Variants in AGTPBP1 observed in about 807,000 individuals in gnomAD.
The protein encoded by AGTPBP1 is ATP/GTP binding carboxypeptidase 1.
AGTPBP1 carries 70 observed loss-of-function variants against 143.9 expected under a neutral mutation model. The ratio of observed to expected loss-of-function variants is 0.49; its 90% CI spans 0.40 to 0.59. AGTPBP1 has a LOEUF of 0.59. AGTPBP1 is among the 20% of genes least tolerant of loss of function. AGTPBP1 has a pLI of 0.00. For synonymous variants in AGTPBP1, 463 were observed against 500.2 expected, an observed-to-expected ratio of 0.93 and a Z score of 0.99; for missense variants, 1,229 against 1,464.5, an observed-to-expected ratio of 0.84 and a Z score of 2.62.
intron 8 of AGTPBP1, among the ~76,000 whole-genome samples, chr9:85,661,619 A>C (rs754625435): frequency 1.8e-4 from 27 of 152,036 alleles, no homozygotes; most frequent in Admixed American, 1.3e-4. Flanking sequence ...CACCCCCAAA[A>C]CTGAAAGTAT....
chr9:85,596,513 T>TA (rs1829310085), intron 17 of AGTPBP1, 64 bp from the exon 18 acceptor site: 1 of 1,150,170 alleles, frequency 8.7e-7, no homozygotes, highest in African/African-American at 1.6e-5. Flanking sequence ...AAATTAATCT[T>TA]GCCTTTGTAG....
At chr9:85,746,939 C>T (rs558943810), upstream of AGTPBP1, among the ~76,000 whole-genome samples, 21 of 152,218 alleles carry the variant, frequency 1.4e-4, no homozygotes, top group African/African-American at 5.1e-4. Flanking sequence ...CTGCAGCCTC[C>T]AATTCCTGGG....
In AGTPBP1 at chr9:85,547,237, C is replaced by T. The variant is rs749664353; in HGVS notation, c.3553G>A (p.Val1185Ile). 6.2e-7 allele frequency: 1 copy of T among 1,613,148 alleles called. No individual in the cohort carries two copies. Among genetic ancestry groups the T allele is most frequent in the South Asian group, 1.1e-5 (1 of 90,908 alleles). ...TCATTACTTTCTGCACTGTAATCAA[C>T]TTCTTCAAGGAATCGAGGTTCATCT... ...DEDEPRFLEEVDYSAESNDEL... is the reference protein window; with the variant it reads ...DEDEPRFLEEIDYSAESNDEL... The change falls in exon 26 of 26, where the codon GTT becomes ATT. Residue 1185 changes from valine to isoleucine, a missense_variant. Val to Ile is a conservative substitution (Grantham distance 29). Around this residue, in one of 2 missense-constraint regions of AGTPBP1, gnomAD observed 486 missense variants for 652.3 expected, o/e 0.75. Transcript: ENST00000357081.
chr9:85,591,108 C>G (rs984887205), intron 19 of AGTPBP1, among the ~76,000 whole-genome samples: 1 of 149,732 alleles, frequency 6.7e-6, no homozygotes, highest in African/African-American at 2.5e-5. Context: ...TGAGGATACA[C>G]TTTAAAGAGT....
intron 25 of AGTPBP1, among the ~76,000 whole-genome samples, chr9:85,572,023 T>TG (rs1564019763): frequency 1.3e-5 from 1 of 75,396 alleles, no homozygotes; most frequent in Non-Finnish European, 2.2e-5. Flanking sequence ...TTTTTTTTTT[T>TG]TTTTTTTTTT....
At chr9:85,654,175 T>C (rs1833346619) in intron 11 of AGTPBP1, among the ~76,000 whole-genome samples, 2 of 151,994 alleles carry the variant, frequency 1.3e-5, no homozygotes, top group Admixed American at 1.3e-4. Flanking sequence ...TCTTCGTTTT[T>C]TTTCTCAAAA....
intron 25 of AGTPBP1, among the ~76,000 whole-genome samples, chr9:85,561,083 C>T (rs1002603862): frequency 2.0e-5 from 3 of 151,968 alleles, no homozygotes; most frequent in African/African-American, 7.3e-5. Context: ...TAAAAGAGAC[C>T]ATTTTCGGCC....
intron 16 of AGTPBP1, 41 bp from the exon 17 acceptor site, chr9:85,619,172 A>G (rs748130566): frequency 6.2e-7 from 1 of 1,610,192 alleles, no homozygotes; most frequent in South Asian, 1.1e-5. Context: ...AAATTAGGAA[A>G]TATCTGTGCA....
At chr9:85,759,827 CAAG>C in the AGTPBP1 span, among the ~76,000 whole-genome samples, 2 of 151,900 alleles carry the variant, frequency 1.3e-5, no homozygotes, top group Non-Finnish European at 2.9e-5. Flanking sequence ...ATCAGTGAAT[CAAG>C]GAGCTGGTTT....
chr9:85,615,878 T>C (rs1164865933), intron 17 of AGTPBP1, among the ~76,000 whole-genome samples: 1 of 151,940 alleles, frequency 6.6e-6, no homozygotes, highest in African/African-American at 2.4e-5. Flanking sequence ...AAATAGAAAG[T>C]AATCAGAAAC....
intron 25 of AGTPBP1, among the ~76,000 whole-genome samples, chr9:85,558,108 T>C (rs1032027874): frequency 6.6e-6 from 1 of 152,236 alleles, no homozygotes; most frequent in African/African-American, 2.4e-5. Flanking sequence ...ATTAGTTGCA[T>C]CAGGAACAAT....
chr9:85,777,684 C>T, the AGTPBP1 span, among the ~76,000 whole-genome samples: 1 of 152,352 alleles, frequency 6.6e-6, no homozygotes. Context: ...TTTGACTACT[C>T]AGAGAGGTCC....
At chr9:85,665,705 A>G (rs1170927908) in intron 8 of AGTPBP1, among the ~76,000 whole-genome samples, 2 of 152,106 alleles carry the variant, frequency 1.3e-5, no homozygotes, top group East Asian at 3.9e-4. Context: ...CTAAAATAGA[A>G]CATTTTTTTC....
At chr9:85,649,728 A>G (rs931522163) in intron 11 of AGTPBP1, among the ~76,000 whole-genome samples, 1 of 152,078 alleles carries the variant, frequency 6.6e-6, no homozygotes, top group Non-Finnish European at 1.5e-5. Context: ...GTTCCTTAAA[A>G]ATTTTTCTAC....
chr9:85,568,956 T>C (rs1827281142), intron 25 of AGTPBP1, among the ~76,000 whole-genome samples: 1 of 152,158 alleles, frequency 6.6e-6, no homozygotes, highest in South Asian at 2.1e-4. Context: ...GATCCACAGG[T>C]CTGGGAGATT....
chr9:85,621,327 T>G (rs748432598), intron 14 of AGTPBP1, 42 bp from the exon 15 acceptor site: 48 of 968,526 alleles, frequency 5.0e-5, no homozygotes, highest in Non-Finnish European at 6.4e-5. Flanking sequence ...TATTATACAC[T>G]AATGTACAAC....
Position 85,592,621 on chromosome 9 carries a change from G to A in AGTPBP1, c.2507C>T (p.Pro836Leu). The A allele has an allele frequency of 6.2e-7, 1 of 1,612,196 alleles. No homozygotes were observed. Among genetic ancestry groups the A allele is most frequent in the Non-Finnish European group, 8.5e-7 (1 of 1,179,214 alleles). ...AAAGTAGCAAACATCATCTTTATGT[G>A]GAAAATTGACAGTAAATGTAATTGT... The part of the protein sequence containing the change: ...YYTITFTVNF[P>L]HKDDVCYFAY... The change falls in exon 19 of 26, where the codon CCA becomes CTA. Residue 836 changes from proline to leucine, a missense_variant. Pro to Leu is a moderately conservative substitution (Grantham distance 98). Around this residue, in one of 2 missense-constraint regions of AGTPBP1, gnomAD observed 486 missense variants for 652.3 expected, o/e 0.75. Transcript: ENST00000357081.
chr9:85,730,679 GCCTT>G (rs1407103740), intron 1 of AGTPBP1, among the ~76,000 whole-genome samples: 1 of 152,122 alleles, frequency 6.6e-6, no homozygotes, highest in Non-Finnish European at 1.5e-5. Flanking sequence ...CTTTGACATA[GCCTT>G]GAACGTGCCC....
chr9:85,671,435 G>T (rs528020838), intron 7 of AGTPBP1, among the ~76,000 whole-genome samples: 8 of 151,694 alleles, frequency 5.3e-5, no homozygotes, highest in Admixed American at 3.9e-4. Flanking sequence ...TTACATGTTA[G>T]TTATTTAAGT....
Sources: gnomAD v4.1 joint callset for allele counts (sites outside exome capture counted in the v4.1 genomes callset) on GRCh38, gnomAD v4.1.1 for gene constraint, gnomAD v4.1.1 regional missense constraint, MANE v1.5 for transcripts, NCBI Gene and HGNC (gene_info 2026-07-23, HGNC 2026-07-21) for gene names.